SLC44A5: variants seen among roughly 807,000 people sequenced by gnomAD.
SLC44A5 encodes choline transporter-like protein 5.
Under a neutral mutation model 101.8 loss-of-function variants are expected in SLC44A5, and 57 were observed. The ratio of observed to expected loss-of-function variants is 0.56; its 90% confidence interval spans 0.45 to 0.70. The LOEUF is 0.70. SLC44A5 is among the 30% of genes least tolerant of loss of function. The probability of loss-of-function intolerance (pLI) is 0.00; values close to 1 mark genes in which losing one functional copy is unlikely to be tolerated. For missense variants in SLC44A5, 737 were observed against 853.1 expected (o/e 0.86, Z 1.70); for synonymous variants, 281 against 290.9 (o/e 0.97, Z 0.35).
chr1:75,347,436 G>T (rs183200684), intron 3 of SLC44A5, among the ~76,000 whole-genome samples: 12 of 152,238 alleles, frequency 7.9e-5, no homozygotes, highest in Admixed American at 5.2e-4. Context: ...TACAGGTGGA[G>T]TATTCTATTA....
intron 5 of SLC44A5, among the ~76,000 whole-genome samples, chr1:75,294,889 T>C (rs1653844441): frequency 6.6e-6 from 1 of 151,820 alleles, no homozygotes; most frequent in Admixed American, 6.6e-5. Context: ...GTGGGAGAAA[T>C]TAGGAGATAA....
At chr1:75,539,222 C>A (rs1244818275) in intron 2 of SLC44A5, among the ~76,000 whole-genome samples, 2 of 152,164 alleles carry the variant, frequency 1.3e-5, no homozygotes, top group African/African-American at 4.8e-5. Flanking sequence ...ACTTTTTTCA[C>A]ATATCAAAAT....
At chr1:75,653,565 AT>A in the SLC44A5 span, among the ~76,000 whole-genome samples, 1 of 152,146 alleles carries the variant, frequency 6.6e-6, no homozygotes, top group African/African-American at 2.4e-5. Context: ...CACGCATATA[AT>A]TTTTTTAAGC....
At chr1:75,627,686 A>G in the SLC44A5 span, among the ~76,000 whole-genome samples, 1 of 151,830 alleles carries the variant, frequency 6.6e-6, no homozygotes, top group Non-Finnish European at 1.5e-5. Flanking sequence ...CATCTCTATT[A>G]AAAATAAAAA....
intron 1 of SLC44A5, among the ~76,000 whole-genome samples, chr1:75,544,273 A>T (rs1488806774): frequency 1.3e-5 from 2 of 152,154 alleles, no homozygotes; most frequent in African/African-American, 2.4e-5. Context: ...TGATACAGCA[A>T]GAAAGTCCTC....
chr1:75,424,561 T>C (rs1477209293), intron 2 of SLC44A5, among the ~76,000 whole-genome samples: 2 of 152,196 alleles, frequency 1.3e-5, no homozygotes, highest in Admixed American at 1.3e-4. Flanking sequence ...CGCCTCGGCC[T>C]CTCTAAAGTA....
the SLC44A5 span, among the ~76,000 whole-genome samples, chr1:75,628,926 A>G: frequency 0.016 from 2,451 of 152,224 alleles, 27 homozygotes; most frequent in Non-Finnish European, 0.025. Context: ...GCAAGGGGGG[A>G]AAAGTCCCAT....
intron 2 of SLC44A5, among the ~76,000 whole-genome samples, chr1:75,457,538 G>C (rs1254877475): frequency 6.6e-6 from 1 of 152,114 alleles, no homozygotes. Flanking sequence ...TGGAAGCTAG[G>C]TTGTGCAATA....
the SLC44A5 span, chr1:75,641,960 T>C: frequency 2.5e-6 from 4 of 1,601,474 alleles, no homozygotes; most frequent in Non-Finnish European, 3.4e-6. Flanking sequence ...AACCACAATC[T>C]GCCTTTCTGG....
intron 9 of SLC44A5, 31 bp from the exon 10 acceptor site, chr1:75,238,667 A>G: frequency 2.1e-6 from 3 of 1,423,644 alleles, no homozygotes; most frequent in Admixed American, 2.1e-5. Flanking sequence ...TATTGTAATC[A>G]CTTTTCTATT....
chr1:75,574,248 A>T (rs1673244588), intron 1 of SLC44A5, among the ~76,000 whole-genome samples: 1 of 152,180 alleles, frequency 6.6e-6, no homozygotes, highest in Admixed American at 6.6e-5. Flanking sequence ...AGTAGACTGC[A>T]TTGCAGTAAT....
At chr1:75,287,908 T>C (rs1653201995) in intron 5 of SLC44A5, among the ~76,000 whole-genome samples, 2 of 152,258 alleles carry the variant, frequency 1.3e-5, no homozygotes, top group Non-Finnish European at 2.9e-5. Context: ...TTTACTGCCC[T>C]TATTTTGTGT....
chr1:75,345,067 T>A (rs978294423), intron 3 of SLC44A5, among the ~76,000 whole-genome samples: 1 of 152,138 alleles, frequency 6.6e-6, no homozygotes, highest in Non-Finnish European at 1.5e-5. Context: ...TTAATTTAGA[T>A]TATGAAAATA....
In SLC44A5 at chr1:75,220,798, T is replaced by C. The variant is rs186930338; in HGVS notation, c.1086-906A>G. On this transcript the variant is annotated intron_variant, in intron 14 of 23. Coordinates refer to ENST00000370859, the MANE Select transcript of SLC44A5 (RefSeq NM_001130058.2). ...CACTCCTAATGCATTGATGCTTAGA[T>C]TTTTTTGTATTTGCTACCTTCCTCA... Among the ~76,000 whole-genome samples, 607 of 152,250 alleles carry C rather than the reference T, an allele frequency of 4.0e-3. 6 individuals carry two copies. Among genetic ancestry groups the C allele is most frequent in the African/African-American group, 0.014 (575 of 41,570 alleles).
At chr1:75,556,600 G>A (rs1570605618) in intron 1 of SLC44A5, among the ~76,000 whole-genome samples, 1 of 152,026 alleles carries the variant, frequency 6.6e-6, no homozygotes, top group African/African-American at 2.4e-5. Flanking sequence ...AATAAAAGAG[G>A]AAACTGAGGA....
At position 75,218,588 on chromosome 1, in the gene SLC44A5, G is replaced by A. The variant is rs148196192; in HGVS notation, c.1431C>T (p.Cys477=). 43 of 1,613,662 alleles carry A rather than the reference G, an allele frequency of 2.7e-5. 1 individual carries two copies. The highest frequency in any genetic ancestry group is 1.2e-4 in the South Asian group (11 of 91,078). The change falls in exon 17 of 24, where the codon TGC becomes TGT. Residue 477 remains cysteine (C), a synonymous_variant. Transcript: ENST00000370859. ...LINFVIALGQ[C]ALAGAFATYY... is the part of the protein sequence containing the mutation. ...AAGTAGCGAATGCACCAGCAAGGGCGCACTGACCTAATGCAATGACGAAGT... is the reference window on the plus strand; with the variant it reads ...AAGTAGCGAATGCACCAGCAAGGGCACACTGACCTAATGCAATGACGAAGT...
At chr1:75,572,344 G>A (rs1405765865) in intron 1 of SLC44A5, among the ~76,000 whole-genome samples, 2 of 152,124 alleles carry the variant, frequency 1.3e-5, no homozygotes, top group African/African-American at 4.8e-5. Flanking sequence ...TATGAAAAGG[G>A]TAAGGATATG....
chr1:75,630,205 T>G, the SLC44A5 span, among the ~76,000 whole-genome samples: 1 of 152,150 alleles, frequency 6.6e-6, no homozygotes, highest in African/African-American at 2.4e-5. Context: ...TAGGGTGCCT[T>G]TGTGGGTTTC....
chr1:75,702,106 C>T, the SLC44A5 span, among the ~76,000 whole-genome samples: 19 of 151,988 alleles, frequency 1.3e-4, no homozygotes, highest in Non-Finnish European at 2.2e-4. Flanking sequence ...AGATTCAATG[C>T]CATCCCCAAC....
Sources: gnomAD v4.1 joint callset for allele counts (sites outside exome capture counted in the v4.1 genomes callset) on GRCh38, gnomAD v4.1.1 for gene constraint, MANE v1.5 for transcripts, NCBI Gene and HGNC (gene_info 2026-07-23, HGNC 2026-07-21) for gene names.